CNTNAP2: variants seen among roughly 807,000 people sequenced by gnomAD.
CNTNAP2 encodes contactin-associated protein-like 2.
CNTNAP2 carries 98 observed loss-of-function variants against 155.2 expected under a neutral mutation model. The observed-to-expected ratio is 0.63, with a 90% CI of 0.54 to 0.75. CNTNAP2 has a LOEUF of 0.75. Among genes scored for constraint, CNTNAP2 ranks in the 30% least tolerant of loss-of-function variants. CNTNAP2 has a pLI of 0.00. For synonymous variants in CNTNAP2, 651 were observed against 631.2 expected (o/e 1.03, Z -0.47); for missense variants, 1,727 against 1,688.1 (o/e 1.02, Z -0.40).
intron 13 of CNTNAP2, chr7:147,894,264 A>G (rs955053392): frequency 2.6e-5 from 4 of 152,230 alleles, no homozygotes; most frequent in Admixed American, 2.6e-4. Flanking sequence ...TTTTGTAATC[A>G]GATCAGAGTG....
At chr7:147,841,015 A>G (rs851705) in intron 13 of CNTNAP2, among the ~76,000 whole-genome samples, 62,242 of 151,982 alleles carry the variant, frequency 0.41, 13,105 homozygotes, top group East Asian at 0.5. Flanking sequence ...TTCAAATTCA[A>G]TTAGGCCTTC....
chr7:148,029,221 C>T (rs73168560), intron 15 of CNTNAP2, among the ~76,000 whole-genome samples: 3,614 of 152,250 alleles, frequency 0.024, 63 homozygotes, highest in Middle Eastern at 0.045. Flanking sequence ...CTCAGCAAAA[C>T]AAACACACGC....
intron 3 of CNTNAP2, among the ~76,000 whole-genome samples, chr7:146,958,603 C>T (rs1797489445): frequency 6.6e-6 from 1 of 151,538 alleles, no homozygotes; most frequent in African/African-American, 2.4e-5. Context: ...TTAGTGGAGA[C>T]GGGGTTTCAC....
intron 2 of CNTNAP2, among the ~76,000 whole-genome samples, chr7:146,828,543 A>C (rs1294450434): frequency 6.6e-6 from 1 of 152,072 alleles, no homozygotes; most frequent in Admixed American, 6.6e-5. Context: ...GGTAATAGTT[A>C]TCCTAATGCT....
intron 15 of CNTNAP2, among the ~76,000 whole-genome samples, chr7:147,991,596 T>G (rs188602986): frequency 6.6e-6 from 1 of 152,178 alleles, no homozygotes; most frequent in Admixed American, 6.5e-5. Context: ...AAAAAAACTC[T>G]TTTGCTAAGT....
At chr7:148,213,516 G>A (rs942113493) in intron 18 of CNTNAP2, among the ~76,000 whole-genome samples, 3 of 152,062 alleles carry the variant, frequency 2.0e-5, no homozygotes, top group Admixed American at 2.0e-4. Flanking sequence ...GTCTTCTCTT[G>A]CACATCATCC....
chr7:147,273,326 G>C (rs1271983005), intron 8 of CNTNAP2, among the ~76,000 whole-genome samples: 1 of 151,992 alleles, frequency 6.6e-6, no homozygotes, highest in South Asian at 2.1e-4. Flanking sequence ...TGAAGCTTCA[G>C]GTTGTATATA....
chr7:148,086,507 A>G (rs1440917505), intron 15 of CNTNAP2, among the ~76,000 whole-genome samples: 4 of 152,232 alleles, frequency 2.6e-5, no homozygotes, highest in African/African-American at 9.6e-5. Flanking sequence ...GCATTTCAAT[A>G]TGCAAAACTC....
At chr7:147,476,500 C>G (rs1026872596) in intron 10 of CNTNAP2, among the ~76,000 whole-genome samples, 8 of 152,078 alleles carry the variant, frequency 5.3e-5, no homozygotes, top group African/African-American at 1.7e-4. Flanking sequence ...ATCTAGGTAC[C>G]TTGGATGTCT....
chr7:146,315,712 A>G (rs1045947900), intron 1 of CNTNAP2, among the ~76,000 whole-genome samples: 3 of 152,200 alleles, frequency 2.0e-5, no homozygotes, highest in African/African-American at 4.8e-5. Context: ...TGATACTACA[A>G]TTCATGAATT....
chr7:148,398,792 A>G (rs779697131), intron 22 of CNTNAP2, among the ~76,000 whole-genome samples: 3 of 152,226 alleles, frequency 2.0e-5, no homozygotes, highest in Non-Finnish European at 4.4e-5. Flanking sequence ...AAGTCTGAAG[A>G]CAATAGATCC....
chr7:146,634,812 A>G (rs1287945050), intron 1 of CNTNAP2, among the ~76,000 whole-genome samples: 2 of 152,224 alleles, frequency 1.3e-5, no homozygotes, highest in East Asian at 3.8e-4. Flanking sequence ...ATTTCTTAAA[A>G]TCGCAAACTC....
chr7:146,843,045 G>T (rs1294966441), intron 3 of CNTNAP2, among the ~76,000 whole-genome samples: 1 of 80,764 alleles, frequency 1.2e-5, no homozygotes, highest in Non-Finnish European at 2.1e-5. Context: ...TCGCTCTGTC[G>T]CCCAGGCCGG....
chr7:146,891,883 A>G (rs535792224), intron 3 of CNTNAP2, among the ~76,000 whole-genome samples: 2 of 152,260 alleles, frequency 1.3e-5, no homozygotes, highest in South Asian at 4.1e-4. Context: ...TGTATTTCTG[A>G]CAATGTTTGT....
At chr7:147,085,605 A>C (rs922495852) in intron 4 of CNTNAP2, 2 of 152,228 alleles carry the variant, frequency 1.3e-5, no homozygotes, top group Admixed American at 6.5e-5. Context: ...CATAGGTGAT[A>C]TCTCTCCTAG....
At chr7:146,631,632 A>G (rs1186476081) in intron 1 of CNTNAP2, among the ~76,000 whole-genome samples, 3 of 152,134 alleles carry the variant, frequency 2.0e-5, no homozygotes, top group Non-Finnish European at 4.4e-5. Flanking sequence ...TAGGTTGCAA[A>G]GATCTTTCGT....
At chr7:146,740,132 C>G (rs1801687179) in intron 1 of CNTNAP2, among the ~76,000 whole-genome samples, 1 of 151,846 alleles carries the variant, frequency 6.6e-6, no homozygotes, top group Non-Finnish European at 1.5e-5. Flanking sequence ...AGCTTTTTTT[C>G]AGTCCTTGTC....
chr7:146,142,048 A>G (rs1797888185), intron 1 of CNTNAP2, among the ~76,000 whole-genome samples: 1 of 152,080 alleles, frequency 6.6e-6, no homozygotes, highest in African/African-American at 2.4e-5. Flanking sequence ...TTTGCTTTGT[A>G]TTTCCTTGTT....
At chr7:147,586,001 T>G (rs548225660) in intron 12 of CNTNAP2, among the ~76,000 whole-genome samples, 2 of 152,270 alleles carry the variant, frequency 1.3e-5, no homozygotes, top group East Asian at 3.9e-4. Context: ...CTTCAATCAA[T>G]ACATGTAAGA....
Sources: allele counts gnomAD v4.1 joint callset (sites outside exome capture counted in the v4.1 genomes callset), GRCh38; gene constraint gnomAD v4.1.1; transcripts MANE v1.5; gene names NCBI Gene and HGNC (gene_info 2026-07-23, HGNC 2026-07-21).